TRIM49: variants seen among roughly 807,000 people sequenced by gnomAD.
The protein encoded by TRIM49 is tripartite motif containing 49, also known as tripartite motif-containing protein 49.
TRIM49 carries 5 observed loss-of-function variants against 27.4 expected under a neutral mutation model. The observed-to-expected ratio is 0.18, with a 90% CI of 0.10 to 0.38. The LOEUF is 0.38. TRIM49 is among the 10% of genes least tolerant of loss of function. TRIM49 has a pLI of 1.00. For missense variants in TRIM49, 188 were observed against 487.5 expected (o/e 0.39, Z 5.79); for synonymous variants, 69 against 166.0 (o/e 0.42, Z 4.49).
chr11:89,768,062 A>C, the TRIM49 span: 1 of 515,556 alleles, frequency 1.9e-6, no homozygotes, highest in South Asian at 2.1e-5. Flanking sequence ...GAAACTATAA[A>C]TATAAATACC....
the TRIM49 span, among the ~76,000 whole-genome samples, chr11:89,773,081 C>T: frequency 7.3e-6 from 1 of 136,718 alleles, no homozygotes; most frequent in Non-Finnish European, 1.5e-5. Flanking sequence ...ATCCCAGCTA[C>T]TCGGGAGGCT....
chr11:89,766,657 A>G, the TRIM49 span: 2 of 1,429,520 alleles, frequency 1.4e-6, 1 homozygote, highest in South Asian at 2.4e-5. Context: ...GGGTAATTCC[A>G]TATGAGGGAA....
At chr11:89,773,609 C>T in the TRIM49 span, among the ~76,000 whole-genome samples, 1 of 135,400 alleles carries the variant, frequency 7.4e-6, no homozygotes, top group Non-Finnish European at 1.5e-5. Flanking sequence ...ACATAAGCAA[C>T]TATAATTTTA....
intron 6 of TRIM49, among the ~76,000 whole-genome samples, chr11:89,800,630 G>A (rs1218491303): frequency 1.3e-5 from 2 of 149,918 alleles, no homozygotes; most frequent in Non-Finnish European, 3.0e-5. Flanking sequence ...GTAGTCCCGG[G>A]TACTCGGGAG....
chr11:89,795,838 A>G (rs1241628133), downstream of TRIM49, among the ~76,000 whole-genome samples: 37 of 151,888 alleles, frequency 2.4e-4, no homozygotes, highest in African/African-American at 8.7e-4. Context: ...ATACATATGT[A>G]ACAAATCTGC....
chr11:89,770,734 C>T, the TRIM49 span, among the ~76,000 whole-genome samples: 1 of 141,940 alleles, frequency 7.0e-6, no homozygotes, highest in African/African-American at 2.8e-5. Flanking sequence ...GGCGTGGTGG[C>T]GAGCGCCTGT....
chr11:89,790,714 A>C, the TRIM49 span, among the ~76,000 whole-genome samples: 1 of 152,006 alleles, frequency 6.6e-6, no homozygotes, highest in Non-Finnish European at 1.5e-5. Flanking sequence ...AAAACTAACA[A>C]ACAGAAAGGA....
the TRIM49 span, among the ~76,000 whole-genome samples, chr11:89,773,185 C>T: frequency 7.5e-5 from 10 of 133,530 alleles, 1 homozygote; most frequent in African/African-American, 1.4e-4. Context: ...AGGGAGACTG[C>T]GTCTCAAAAA....
chr11:89,790,361 ACC>A, the TRIM49 span, among the ~76,000 whole-genome samples: 1 of 146,510 alleles, frequency 6.8e-6, no homozygotes, highest in Non-Finnish European at 1.5e-5. Context: ...GGCAGCAGAA[ACC>A]GCTGCAGACT....
chr11:89,803,969 A>G, intron 3 of TRIM49, 90 bp downstream of exon 3: 1 of 1,611,208 alleles, frequency 6.2e-7, no homozygotes, highest in Non-Finnish European at 8.5e-7. Context: ...AAAGGGACTC[A>G]GAGTTGGCTT....
the TRIM49 span, chr11:89,777,409 T>C: frequency 6.5e-7 from 1 of 1,538,168 alleles, no homozygotes; most frequent in Non-Finnish European, 8.7e-7. Flanking sequence ...TCTAAGGCAG[T>C]TTGAATTATA....
chr11:89,768,555 T>G, the TRIM49 span, among the ~76,000 whole-genome samples: 1 of 135,710 alleles, frequency 7.4e-6, no homozygotes, highest in Non-Finnish European at 1.5e-5. Flanking sequence ...GGCAATTGTA[T>G]TCTAGCAACT....
chr11:89,794,367 C>T (rs929865119), downstream of TRIM49, among the ~76,000 whole-genome samples: 6 of 136,900 alleles, frequency 4.4e-5, no homozygotes, highest in Non-Finnish European at 9.5e-5. Flanking sequence ...TGACTTTCTT[C>T]ACAGAATTGG....
chr11:89,793,734 C>T (rs1295470654), downstream of TRIM49, among the ~76,000 whole-genome samples: 1 of 151,922 alleles, frequency 6.6e-6, no homozygotes, highest in Non-Finnish European at 1.5e-5. Flanking sequence ...GGACGTATCT[C>T]AAAATAATAA....
downstream of TRIM49, among the ~76,000 whole-genome samples, chr11:89,793,744 A>G (rs1365723312): frequency 1.3e-5 from 2 of 151,992 alleles, no homozygotes; most frequent in African/African-American, 2.4e-5. Context: ...CAAAATAATA[A>G]GAGCTATTTA....
At chr11:89,806,704 A>C (rs1216108137) in intron 2 of TRIM49, among the ~76,000 whole-genome samples, 4 of 144,558 alleles carry the variant, frequency 2.8e-5, no homozygotes, top group Non-Finnish European at 6.1e-5. Context: ...ACTAATTTAA[A>C]GTCATGTCTA....
At chr11:89,777,553 A>C in the TRIM49 span, among the ~76,000 whole-genome samples, 2 of 145,574 alleles carry the variant, frequency 1.4e-5, no homozygotes, top group Non-Finnish European at 3.0e-5. Context: ...CTAATTTGGC[A>C]CTCTAATCAT....
the TRIM49 span, chr11:89,782,074 C>T: frequency 6.5e-7 from 1 of 1,548,186 alleles, no homozygotes; most frequent in Non-Finnish European, 8.7e-7. Context: ...TGACCCTCTC[C>T]TCCAACTGGA....
chr11:89,770,698 T>A, the TRIM49 span, among the ~76,000 whole-genome samples: 1 of 134,158 alleles, frequency 7.5e-6, no homozygotes, highest in African/African-American at 3.1e-5. Flanking sequence ...TCTCTACTAA[T>A]AATACAAAAA....
Sources: gnomAD v4.1 joint callset for allele counts (sites outside exome capture counted in the v4.1 genomes callset) on GRCh38, gnomAD v4.1.1 for gene constraint, MANE v1.5 for transcripts, NCBI Gene and HGNC (gene_info 2026-07-23, HGNC 2026-07-21) for gene names.